The following WDR59 variants were observed in gnomAD, a reference collection of about 807,000 sequenced individuals.
WDR59 encodes the protein WD repeat domain 59.
In WDR59, 100 loss-of-function variants were observed where a neutral mutation model predicts 131.2. The observed-to-expected ratio is 0.76, with a 90% CI of 0.65 to 0.90. WDR59 has a LOEUF of 0.90. WDR59 is among the 40% of genes least tolerant of loss of function. WDR59 has a pLI of 0.00. For missense variants in WDR59, 1,203 were observed against 1,262.2 expected (o/e 0.95, Z 0.71); for synonymous variants, 601 against 466.2 (o/e 1.29, Z -3.72).
intron 6 of WDR59, among the ~76,000 whole-genome samples, chr16:74,944,606 T>C (rs1021199503): frequency 6.6e-6 from 1 of 151,826 alleles, no homozygotes; most frequent in Non-Finnish European, 1.5e-5. Flanking sequence ...CCCTGAGAGA[T>C]GGGGACCACA....
chr16:74,920,419 T>G (rs1364125757), intron 10 of WDR59, among the ~76,000 whole-genome samples: 1 of 152,156 alleles, frequency 6.6e-6, no homozygotes, highest in Non-Finnish European at 1.5e-5. Context: ...TATTTTTTCT[T>G]TTGAGACTGT....
intron 18 of WDR59, among the ~76,000 whole-genome samples, chr16:74,896,333 C>A (rs1438135606): frequency 6.6e-6 from 1 of 152,158 alleles, no homozygotes; most frequent in African/African-American, 2.4e-5. Context: ...ACAGAACACA[C>A]TGAAAATAAC....
intron 25 of WDR59, among the ~76,000 whole-genome samples, chr16:74,885,434 G>A (rs1202488635): frequency 1.9e-5 from 2 of 103,492 alleles, no homozygotes; most frequent in East Asian, 3.5e-4. Flanking sequence ...GGCAACAAGA[G>A]TGAGATTCCA....
At chr16:74,905,000 T>C (rs954709248) in intron 17 of WDR59, among the ~76,000 whole-genome samples, 2 of 152,246 alleles carry the variant, frequency 1.3e-5, no homozygotes, top group African/African-American at 4.8e-5. Context: ...AAAAATTAAT[T>C]TGAAATGGAT....
chr16:74,896,832 T>G (rs1308202061), intron 18 of WDR59, among the ~76,000 whole-genome samples: 1 of 152,132 alleles, frequency 6.6e-6, no homozygotes, highest in African/African-American at 2.4e-5. Flanking sequence ...CCTGGATTGC[T>G]CATTCTGTGC....
At chr16:74,890,323 G>T (rs1964976436) in intron 20 of WDR59, among the ~76,000 whole-genome samples, 1 of 152,002 alleles carries the variant, frequency 6.6e-6, no homozygotes, top group Non-Finnish European at 1.5e-5. Context: ...GCTAATTTTT[G>T]TATTTTCAGT....
chr16:74,936,600 C>T (rs922380975), intron 8 of WDR59, among the ~76,000 whole-genome samples: 6 of 152,014 alleles, frequency 3.9e-5, no homozygotes, highest in East Asian at 1.9e-4. Flanking sequence ...CCGAGATGGG[C>T]GGATCACTTG....
chr16:74,961,212 G>C (rs1480314507), intron 2 of WDR59, among the ~76,000 whole-genome samples: 1 of 151,956 alleles, frequency 6.6e-6, no homozygotes, highest in Non-Finnish European at 1.5e-5. Flanking sequence ...GGAGGTTGAG[G>C]TGGAAGGATC....
Position 74,908,922 on chromosome 16 carries a change from T to C in WDR59, c.1698A>G (p.Thr566=). The part of the protein sequence containing the change: ...PMTMHRAVSP[T]EPTPRSLSAL... Reference sequence around the variant, plus strand: ...CCCTGACTCACCTCGGAGTAGGCTCTGTGGGAGACACCGCCCGATGCATTG... The same window carrying C: ...CCCTGACTCACCTCGGAGTAGGCTCCGTGGGAGACACCGCCCGATGCATTG... The change falls in exon 17 of 26, where the codon ACA becomes ACG. Residue 566 remains threonine, a synonymous_variant. Coordinates refer to ENST00000262144, the MANE Select transcript of WDR59 (RefSeq NM_030581.4). 1.2e-6 allele frequency: 2 copies of C among 1,614,110 alleles called. No homozygotes were observed. The highest frequency in any genetic ancestry group is 1.7e-6 in the Non-Finnish European group (2 of 1,179,988).
At chr16:74,936,517 G>T (rs1320508044) in intron 8 of WDR59, among the ~76,000 whole-genome samples, 1 of 151,836 alleles carries the variant, frequency 6.6e-6, no homozygotes, top group Non-Finnish European at 1.5e-5. Flanking sequence ...CAAGCTGATT[G>T]GGGTACAGGG....
intron 3 of WDR59, among the ~76,000 whole-genome samples, chr16:74,952,940 A>C (rs1403367546): frequency 6.6e-6 from 1 of 152,088 alleles, no homozygotes; most frequent in East Asian, 1.9e-4. Flanking sequence ...TAGGAATGAA[A>C]AGAAAAGTTC....
At chr16:74,932,905 T>G (rs925341255) in intron 8 of WDR59, among the ~76,000 whole-genome samples, 13 of 152,220 alleles carry the variant, frequency 8.5e-5, no homozygotes, top group Admixed American at 4.6e-4. Flanking sequence ...TTATCTATGA[T>G]TGTAAGAGGA....
chr16:74,925,991 A>C (rs966313029), intron 8 of WDR59, among the ~76,000 whole-genome samples: 1 of 88,340 alleles, frequency 1.1e-5, no homozygotes, highest in African/African-American at 4.7e-5. Context: ...TCTCAAAAAA[A>C]AATGTTTTTA....
At chr16:74,955,568 C>G (rs1368500026) in intron 3 of WDR59, among the ~76,000 whole-genome samples, 1 of 152,118 alleles carries the variant, frequency 6.6e-6, no homozygotes, top group Admixed American at 6.6e-5. Flanking sequence ...TGAAAATCAG[C>G]GCAACCTCGG....
At chr16:74,894,607 G>A (rs542464584) in intron 18 of WDR59, among the ~76,000 whole-genome samples, 11 of 151,924 alleles carry the variant, frequency 7.2e-5, no homozygotes, top group Admixed American at 5.3e-4. Context: ...TTAAAAAGGG[G>A]GTCACCAAAG....
At chr16:74,888,550 C>A (rs11645072) in intron 21 of WDR59, among the ~76,000 whole-genome samples, 3 of 152,212 alleles carry the variant, frequency 2.0e-5, no homozygotes, top group Admixed American at 2.0e-4. Context: ...AAATGATCTA[C>A]AGAACGCATC....
intron 18 of WDR59, chr16:74,899,593 G>T (rs1304555620): frequency 3.2e-6 from 3 of 944,168 alleles, no homozygotes; most frequent in Non-Finnish European, 4.4e-6. Flanking sequence ...AAAACAGCTC[G>T]CCTGTCATTT....
Position 74,930,517 on chromosome 16 carries a change from A to C in WDR59, c.652-6514T>G, listed in dbSNP as rs534620282. On this transcript the variant is annotated intron_variant, in intron 8 of 25. Coordinates refer to ENST00000262144, the MANE Select transcript of WDR59 (RefSeq NM_030581.4). ...AACATGGTAAAAACAAAACACAAAA[A>C]TCAAATAAAGAAAAATGGAAAAAAA... Among the ~76,000 whole-genome samples the C allele has an allele frequency of 1.6e-4, 25 of 152,234 alleles. 1 individual carries two copies. Among genetic ancestry groups the C allele is most frequent in the African/African-American group, 6.0e-4 (25 of 41,540 alleles).
chr16:74,906,569 CAT>C (rs1384932960), intron 17 of WDR59, among the ~76,000 whole-genome samples: 6 of 152,068 alleles, frequency 3.9e-5, no homozygotes, highest in East Asian at 3.9e-4. Flanking sequence ...TTTTTATGAA[CAT>C]ATGTGTCCAG....
Sources: allele counts gnomAD v4.1 joint callset (sites outside exome capture counted in the v4.1 genomes callset), GRCh38; gene constraint gnomAD v4.1.1; transcripts MANE v1.5; gene names NCBI Gene and HGNC (gene_info 2026-07-23, HGNC 2026-07-21).